The following VEZT variants were observed in gnomAD, a reference collection of about 807,000 sequenced individuals.
VEZT encodes the protein vezatin, adherens junctions transmembrane protein.
VEZT carries 39 observed loss-of-function variants against 79.9 expected under a neutral mutation model. The ratio of observed to expected loss-of-function variants is 0.49; its 90% confidence interval spans 0.38 to 0.64. The LOEUF is 0.64. Among genes scored for constraint, VEZT ranks in the 30% least tolerant of loss-of-function variants. The pLI, the probability that VEZT is intolerant of heterozygous loss-of-function variation, is 0.00. For synonymous variants in VEZT, 325 were observed against 327.6 expected, an observed-to-expected ratio of 0.99 and a Z score of 0.09; for missense variants, 837 against 893.1, an observed-to-expected ratio of 0.94 and a Z score of 0.80.
At chr12:95,256,604 C>T in intron 2 of VEZT, 1 of 1,289,526 alleles carries the variant, frequency 7.8e-7, no homozygotes, top group Non-Finnish European at 1.0e-6. Context: ...CTGGCATGCT[C>T]AAGGAATGGG....
At chr12:95,223,156 C>T (rs1307557871) in intron 1 of VEZT, among the ~76,000 whole-genome samples, 3 of 151,924 alleles carry the variant, frequency 2.0e-5, no homozygotes, top group Non-Finnish European at 4.4e-5. Flanking sequence ...CAGTTTTCTC[C>T]ATATTAAATA....
intron 1 of VEZT, chr12:95,218,124 C>G (rs1451203875): frequency 1.8e-5 from 7 of 379,104 alleles, no homozygotes; most frequent in Non-Finnish European, 3.3e-5. Context: ...CCAGACGGTG[C>G]CCGGTTGCCA....
At chr12:95,222,645 T>C (rs1482887747) in intron 1 of VEZT, among the ~76,000 whole-genome samples, 1 of 152,130 alleles carries the variant, frequency 6.6e-6, no homozygotes, top group African/African-American at 2.4e-5. Flanking sequence ...TATATTTCCA[T>C]ATAAATTTTA....
chr12:95,226,085 C>T (rs894917804), intron 1 of VEZT, among the ~76,000 whole-genome samples: 5 of 138,640 alleles, frequency 3.6e-5, no homozygotes, highest in Non-Finnish European at 7.7e-5. Context: ...CAGATTGAGA[C>T]TTTGCCTTTA....
intron 1 of VEZT, among the ~76,000 whole-genome samples, chr12:95,241,593 C>T (rs1198863391): frequency 6.6e-6 from 1 of 152,176 alleles, no homozygotes; most frequent in African/African-American, 2.4e-5. Context: ...AAGGAGTGAG[C>T]TACCCTGCCT....
intron 2 of VEZT, among the ~76,000 whole-genome samples, chr12:95,255,940 C>T (rs1392795124): frequency 6.6e-6 from 1 of 152,176 alleles, no homozygotes; most frequent in Non-Finnish European, 1.5e-5. Flanking sequence ...TTTTTAACTT[C>T]CTTACTAATC....
intron 1 of VEZT, among the ~76,000 whole-genome samples, chr12:95,232,212 G>A (rs1319105635): frequency 6.6e-6 from 1 of 152,056 alleles, no homozygotes; most frequent in Non-Finnish European, 1.5e-5. Context: ...ATAATTTTCA[G>A]GCAGATATTT....
chr12:95,226,807 AC>A (rs1472457266), intron 1 of VEZT, among the ~76,000 whole-genome samples: 2 of 152,192 alleles, frequency 1.3e-5, no homozygotes, highest in African/African-American at 4.8e-5. Context: ...GAATCTGATT[AC>A]CCATTTTATC....
chr12:95,274,076 G>A (rs2067154384), intron 6 of VEZT, among the ~76,000 whole-genome samples: 1 of 152,128 alleles, frequency 6.6e-6, no homozygotes, highest in African/African-American at 2.4e-5. Flanking sequence ...CCTGCAGTAC[G>A]CAGACTGAGA....
intron 1 of VEZT, among the ~76,000 whole-genome samples, chr12:95,234,807 T>C (rs868740870): frequency 1.3e-5 from 2 of 152,188 alleles, no homozygotes; most frequent in African/African-American, 2.4e-5. Context: ...CCCTGCGGCC[T>C]TCCGCAGTGT....
intron 6 of VEZT, among the ~76,000 whole-genome samples, chr12:95,271,897 G>A (rs2066678852): frequency 6.6e-6 from 1 of 152,222 alleles, no homozygotes; most frequent in South Asian, 2.1e-4. Context: ...AATAAAATAT[G>A]GGCTTGGTGC....
rs2062396871 is a variant in VEZT, at chr12:95,250,425, C to A, written c.37-1515C>A. 4.0e-5 allele frequency among the ~76,000 whole-genome samples: 6 copies of A among 151,228 alleles called. No homozygotes were observed. The South Asian group carries it at 1.3e-3, about 32-fold the overall frequency. ...TCAAGCCATTCTCCCGCCTCAGCCTCCTGAGTAGCTGAGATTACAGGCACC... is the reference window on the plus strand; with the variant it reads ...TCAAGCCATTCTCCCGCCTCAGCCTACTGAGTAGCTGAGATTACAGGCACC... On this transcript the variant is annotated intron_variant, in intron 1 of 11. Coordinates refer to ENST00000436874, the MANE Select transcript of VEZT (RefSeq NM_017599.4).
chr12:95,242,345 T>G (rs1030780341), intron 1 of VEZT: 3 of 152,094 alleles, frequency 2.0e-5, no homozygotes, highest in Non-Finnish European at 4.4e-5. Flanking sequence ...AAAATAAAAA[T>G]AAAAATAAAA....
intron 7 of VEZT, among the ~76,000 whole-genome samples, chr12:95,279,024 C>T (rs1593925627): frequency 6.6e-6 from 1 of 152,282 alleles, no homozygotes; most frequent in African/African-American, 2.4e-5. Context: ...GAGCCAAGAT[C>T]GTGCCATTGC....
intron 1 of VEZT, among the ~76,000 whole-genome samples, chr12:95,247,724 T>C (rs574364749): frequency 1.3e-5 from 2 of 152,260 alleles, no homozygotes; most frequent in South Asian, 4.1e-4. Context: ...TATTAAATAA[T>C]ATACAAGTTA....
intron 1 of VEZT, among the ~76,000 whole-genome samples, chr12:95,235,984 A>G (rs1313052908): frequency 2.2e-4 from 30 of 138,256 alleles, no homozygotes; most frequent in Middle Eastern, 3.9e-3. Context: ...ATGGGATGGC[A>G]GCCGGGCAGA....
intron 7 of VEZT, among the ~76,000 whole-genome samples, chr12:95,280,272 C>T (rs2068713717): frequency 6.6e-6 from 1 of 152,018 alleles, no homozygotes; most frequent in Non-Finnish European, 1.5e-5. Flanking sequence ...TACTGAGCTT[C>T]TTGCTGTTCC....
rs1235250427 is a variant in VEZT at position 95,235,752 on chromosome 12, G to A, written c.37-16188G>A. Reference sequence around the variant, plus strand: ...CTCCCTCCCGGACGGGGTGGTTGCCGGCCGGAGACGCTCCTCACTTCCCAG... The same window carrying A: ...CTCCCTCCCGGACGGGGTGGTTGCCAGCCGGAGACGCTCCTCACTTCCCAG... On this transcript the variant is annotated intron_variant, in intron 1 of 11. Transcript: ENST00000436874. 5.3e-5 allele frequency among the ~76,000 whole-genome samples: 8 copies of A among 151,922 alleles called. No homozygotes were observed. In the East Asian group the frequency reaches 1.6e-3, roughly 30 times the overall value.
At chr12:95,260,993 G>A (rs2064358081) in intron 3 of VEZT, among the ~76,000 whole-genome samples, 1 of 120,706 alleles carries the variant, frequency 8.3e-6, no homozygotes, top group Admixed American at 8.7e-5. Context: ...TGCAGAGTGT[G>A]TCAGTAGATG....
Sources: gnomAD v4.1 joint callset for allele counts (sites outside exome capture counted in the v4.1 genomes callset) on GRCh38, gnomAD v4.1.1 for gene constraint, MANE v1.5 for transcripts, NCBI Gene and HGNC (gene_info 2026-07-23, HGNC 2026-07-21) for gene names.